Variants in RBFOX1 observed in about 807,000 individuals in gnomAD.
The protein encoded by RBFOX1 is RNA binding protein fox-1 homolog 1.
Under a neutral mutation model 57.7 loss-of-function variants are expected in RBFOX1, and 8 were observed. The ratio of observed to expected loss-of-function variants is 0.14; its 90% confidence interval spans 0.08 to 0.25. The LOEUF is 0.25. Ranked by LOEUF, RBFOX1 falls within the 10% of genes least tolerant of loss-of-function variation. The pLI is 1.00. For missense variants in RBFOX1, 611 were observed against 548.5 expected, an observed-to-expected ratio of 1.11 and a Z score of -1.14; for synonymous variants, 326 against 222.4, an observed-to-expected ratio of 1.47 and a Z score of -4.15.
chr16:7,709,459 TTTTTTTTTCC>T (rs2083551680), intron 15 of RBFOX1: 9 of 1,395,030 alleles, frequency 6.5e-6, no homozygotes, highest in Admixed American at 3.1e-5. Flanking sequence ...TTTTTTTTTC[TTTTTTTTTCC>T]CTCCCTTGCT....
intron 3 of RBFOX1, among the ~76,000 whole-genome samples, chr16:6,960,488 G>A (rs965176250): frequency 5.3e-5 from 8 of 152,066 alleles, no homozygotes; most frequent in South Asian, 2.1e-4. Context: ...ATTGGGCCAC[G>A]AGAATAAGCA....
intron 3 of RBFOX1, among the ~76,000 whole-genome samples, chr16:5,692,150 C>A (rs1486248344): frequency 1.3e-5 from 2 of 149,574 alleles, no homozygotes; most frequent in Non-Finnish European, 3.0e-5. Context: ...CAAACCCATG[C>A]ATAATAGGGA....
chr16:5,686,021 G>A (rs1249255938), intron 3 of RBFOX1, among the ~76,000 whole-genome samples: 7 of 152,218 alleles, frequency 4.6e-5, no homozygotes, highest in African/African-American at 1.7e-4. Context: ...AGGAATACAA[G>A]TAGGTCTCTT....
At chr16:7,345,875 C>G (rs1474275013) in intron 4 of RBFOX1, among the ~76,000 whole-genome samples, 1 of 152,010 alleles carries the variant, frequency 6.6e-6, no homozygotes, top group African/African-American at 2.4e-5. Context: ...ATGTGCACAA[C>G]GTGCAGGTTT....
At chr16:6,470,392 T>C (rs1375030778) in intron 2 of RBFOX1, among the ~76,000 whole-genome samples, 1 of 152,258 alleles carries the variant, frequency 6.6e-6, no homozygotes, top group Non-Finnish European at 1.5e-5. Flanking sequence ...AGCTTACTGA[T>C]GGCACAGTTT....
intron 4 of RBFOX1, among the ~76,000 whole-genome samples, chr16:5,868,956 C>T (rs1196047971): frequency 1.3e-5 from 2 of 152,032 alleles, no homozygotes; most frequent in African/African-American, 2.4e-5. Context: ...CTGCACGCAT[C>T]GTTATATAAA....
intron 3 of RBFOX1, among the ~76,000 whole-genome samples, chr16:6,927,857 A>G (rs1399867000): frequency 1.3e-5 from 2 of 152,190 alleles, no homozygotes; most frequent in African/African-American, 4.8e-5. Flanking sequence ...CTCACAACAC[A>G]TCATTTCAAG....
intron 4 of RBFOX1, among the ~76,000 whole-genome samples, chr16:7,107,545 C>A (rs1027391388): frequency 5.3e-5 from 8 of 152,056 alleles, no homozygotes; most frequent in Non-Finnish European, 1.2e-4. Flanking sequence ...TCTGTGCATA[C>A]CTGACAAACT....
At chr16:6,699,918 G>A (rs748414490) in intron 3 of RBFOX1, among the ~76,000 whole-genome samples, 24 of 152,212 alleles carry the variant, frequency 1.6e-4, no homozygotes, top group Non-Finnish European at 2.6e-4. Flanking sequence ...TGTTAAATTT[G>A]TGGACAGGTA....
chr16:5,905,218 C>T (rs1282324910), intron 4 of RBFOX1, among the ~76,000 whole-genome samples: 2 of 151,484 alleles, frequency 1.3e-5, no homozygotes, highest in East Asian at 4.0e-4. Flanking sequence ...TAGGTGGGTG[C>T]CACCACACCT....
chr16:5,855,427 A>G (rs1263587203), intron 3 of RBFOX1, among the ~76,000 whole-genome samples: 1 of 152,124 alleles, frequency 6.6e-6, no homozygotes, highest in Non-Finnish European at 1.5e-5. Flanking sequence ...ATTCAATTAT[A>G]TTCTTTTGCC....
At chr16:7,105,868 C>A (rs572245772) in intron 4 of RBFOX1, among the ~76,000 whole-genome samples, 84 of 152,146 alleles carry the variant, frequency 5.5e-4, no homozygotes, top group African/African-American at 2.0e-3. Flanking sequence ...ACCATCTGAT[C>A]TGAGAATGGA....
chr16:6,364,209 A>G (rs940724638), intron 2 of RBFOX1, among the ~76,000 whole-genome samples: 1 of 152,222 alleles, frequency 6.6e-6, no homozygotes, highest in Admixed American at 6.5e-5. Flanking sequence ...TGCTTCGAAG[A>G]TGCTGGCAGA....
intron 3 of RBFOX1, among the ~76,000 whole-genome samples, chr16:5,735,513 C>T (rs1315909061): frequency 1.3e-5 from 2 of 152,230 alleles, no homozygotes; most frequent in East Asian, 3.8e-4. Context: ...CCCGCTTCCG[C>T]ATCTTGACCC....
At chr16:6,875,415 C>G (rs1254970416) in intron 3 of RBFOX1, among the ~76,000 whole-genome samples, 2 of 152,100 alleles carry the variant, frequency 1.3e-5, no homozygotes, top group African/African-American at 4.8e-5. Flanking sequence ...TTTGAGGTTT[C>G]ATTTGCAATG....
At chr16:7,419,357 G>A (rs893054521) in intron 4 of RBFOX1, among the ~76,000 whole-genome samples, 21 of 152,164 alleles carry the variant, frequency 1.4e-4, no homozygotes, top group African/African-American at 4.8e-4. Context: ...TTCAATTCCA[G>A]GAGTCTCCAC....
At chr16:5,963,050 A>G (rs1193617198) in intron 4 of RBFOX1, among the ~76,000 whole-genome samples, 1 of 152,186 alleles carries the variant, frequency 6.6e-6, no homozygotes, top group Non-Finnish European at 1.5e-5. Flanking sequence ...TGTATTATGT[A>G]TCCTGATCGT....
chr16:6,823,559 C>G (rs112851595), intron 3 of RBFOX1, among the ~76,000 whole-genome samples: 1 of 152,072 alleles, frequency 6.6e-6, no homozygotes, highest in African/African-American at 2.4e-5. Context: ...GTCTGGCCAC[C>G]ACATGAAATT....
chr16:5,466,798 C>T (rs1441853676), intron 1 of RBFOX1, among the ~76,000 whole-genome samples: 1 of 152,124 alleles, frequency 6.6e-6, no homozygotes, highest in Non-Finnish European at 1.5e-5. Flanking sequence ...ACCTGCCATC[C>T]CTCCATATGG....
Sources: gnomAD v4.1 joint callset for allele counts (sites outside exome capture counted in the v4.1 genomes callset) on GRCh38, gnomAD v4.1.1 for gene constraint, MANE v1.5 for transcripts, NCBI Gene and HGNC (gene_info 2026-07-23, HGNC 2026-07-21) for gene names.